ADAM18: variants seen among roughly 807,000 people sequenced by gnomAD.
ADAM18 encodes ADAM metallopeptidase domain 18.
Under a neutral mutation model 94.4 loss-of-function variants are expected in ADAM18, and 117 were observed. That is an observed-to-expected ratio of 1.24 (90% CI 1.07 to 1.45). The LOEUF is 1.45. Among genes scored for constraint, ADAM18 ranks in the 40% most tolerant of loss-of-function variants. The pLI, the probability that ADAM18 is intolerant of heterozygous loss-of-function variation, is 0.00. For missense variants in ADAM18, 936 were observed against 880.0 expected (o/e 1.06, Z -0.81); for synonymous variants, 327 against 291.6 (o/e 1.12, Z -1.24).
chr8:39,617,429 A>G (rs970064746), intron 6 of ADAM18, among the ~76,000 whole-genome samples: 2 of 152,266 alleles, frequency 1.3e-5, no homozygotes, highest in African/African-American at 4.8e-5. Flanking sequence ...TGGAAAGCAG[A>G]TTGGAAATTT....
Position 39,629,891 on chromosome 8 carries a change from G to A in ADAM18, c.588+452G>A, listed in dbSNP as rs117923637. On this transcript the variant is annotated intron_variant, in intron 7 of 19. Transcript: ENST00000265707. ...CTAGCCTAGAATGCCCTACACTATC[G>A]CTTCCTCCACTCCAGCTCAGTCAGT... Among the ~76,000 whole-genome samples, 500 of 151,846 alleles carry A rather than the reference G, an allele frequency of 3.3e-3. 1 individual carries two copies. Among genetic ancestry groups the A allele is most frequent in the Non-Finnish European group, 3.8e-3 (257 of 67,878 alleles).
intron 13 of ADAM18, among the ~76,000 whole-genome samples, chr8:39,664,343 A>T (rs1022566893): frequency 1.3e-5 from 2 of 152,176 alleles, no homozygotes; most frequent in Non-Finnish European, 2.9e-5. Context: ...TAATACAGAG[A>T]TAATAAAAAT....
At chr8:39,603,243 C>T (rs1818962032) in intron 2 of ADAM18, among the ~76,000 whole-genome samples, 1 of 152,106 alleles carries the variant, frequency 6.6e-6, no homozygotes, top group Non-Finnish European at 1.5e-5. Flanking sequence ...TTGCCAATAT[C>T]ATTCTGTCTT....
chr8:39,682,563 A>C (rs1194752031), intron 16 of ADAM18, among the ~76,000 whole-genome samples: 1 of 152,164 alleles, frequency 6.6e-6, no homozygotes, highest in Non-Finnish European at 1.5e-5. Context: ...AAACCCAAAC[A>C]AGGAACTCCC....
chr8:39,726,257 T>TACACACACAC (rs34664356), intron 19 of ADAM18, among the ~76,000 whole-genome samples: 2 of 145,478 alleles, frequency 1.4e-5, no homozygotes, highest in African/African-American at 5.1e-5. Context: ...GTATGAGATC[T>TACACACACAC]ACACACACAC....
intron 16 of ADAM18, among the ~76,000 whole-genome samples, chr8:39,689,808 A>C (rs945682466): frequency 6.6e-6 from 1 of 152,114 alleles, no homozygotes; most frequent in Non-Finnish European, 1.5e-5. Context: ...TTTCAGCTAT[A>C]TTGATTCTTC....
In ADAM18 at chr8:39,675,782, A is replaced by G. The variant is rs138233244; in HGVS notation, c.1526-1649A>G. ...TGGTTTTGTCTACCTTTGGTCTTTG[A>G]TGTTGGTGACCTACAGATGGGATTT... On this transcript the variant is annotated intron_variant, in intron 14 of 19. Transcript: ENST00000265707. 6.0e-3 allele frequency among the ~76,000 whole-genome samples: 913 copies of G among 152,164 alleles called. 5 individuals carry two copies. Among genetic ancestry groups the G allele is most frequent in the African/African-American group, 0.021 (869 of 41,486 alleles).
rs577825306 is a variant in ADAM18 at position 39,648,515 on chromosome 8, T to C, written c.1218T>C (p.Cys406=). Reference sequence around the variant, plus strand: ...TGGAATCCAATGAAGAATGTGACTGTGGTAATAAAAATGTGAGTAACAAAG... The same window carrying C: ...TGGAATCCAATGAAGAATGTGACTGCGGTAATAAAAATGTGAGTAACAAAG... ...GILESNEECD[C]GNKNECQFKK... Residue 406 remains cysteine (C), a synonymous_variant, in exon 12 of 20, where the codon TGT becomes TGC. Coordinates refer to ENST00000265707, the MANE Select transcript of ADAM18 (RefSeq NM_014237.3). 3 of 1,598,058 alleles carry C rather than the reference T, an allele frequency of 1.9e-6. No homozygotes were observed. The South Asian group carries it at 3.4e-5, about 18-fold the overall frequency.
At chr8:39,687,420 A>G (rs1821636847) in intron 16 of ADAM18, among the ~76,000 whole-genome samples, 3 of 152,176 alleles carry the variant, frequency 2.0e-5, no homozygotes, top group South Asian at 2.1e-4. Context: ...ATTTCTTGTC[A>G]TCTCCCTTCC....
At chr8:39,614,427 G>T (rs1247645898) in intron 6 of ADAM18, among the ~76,000 whole-genome samples, 1 of 152,144 alleles carries the variant, frequency 6.6e-6, no homozygotes, top group East Asian at 1.9e-4. Context: ...AATGCAGAGA[G>T]AATTTGTTCC....
chr8:39,710,099 G>A (rs2129581422), intron 18 of ADAM18, among the ~76,000 whole-genome samples: 1 of 152,314 alleles, frequency 6.6e-6, no homozygotes, highest in East Asian at 1.9e-4. Flanking sequence ...ATACAGTTGT[G>A]TAGAGTGAGA....
intron 14 of ADAM18, 135 bp from the exon 15 acceptor site, chr8:39,677,296 C>T: frequency 3.3e-6 from 2 of 612,322 alleles, no homozygotes; most frequent in Non-Finnish European, 2.8e-6. Context: ...CTTGCATTGA[C>T]AGGGTATGCA....
chr8:39,714,555 A>G (rs2129581569), intron 18 of ADAM18, among the ~76,000 whole-genome samples: 1 of 152,284 alleles, frequency 6.6e-6, no homozygotes, highest in South Asian at 2.1e-4. Context: ...AGGTAAATTA[A>G]AAGTAAAAAA....
chr8:39,728,685 T>G (rs1822989367), intron 19 of ADAM18, among the ~76,000 whole-genome samples: 1 of 152,230 alleles, frequency 6.6e-6, no homozygotes, highest in South Asian at 2.1e-4. Context: ...GTTATTTTTT[T>G]ATGTTATTAT....
chr8:39,592,206 T>C (rs1437355846), intron 2 of ADAM18, among the ~76,000 whole-genome samples: 1 of 152,172 alleles, frequency 6.6e-6, no homozygotes, highest in East Asian at 1.9e-4. Flanking sequence ...TCACCAGCTG[T>C]AATAAGCATT....
chr8:39,594,596 T>A (rs1191196473), intron 2 of ADAM18, among the ~76,000 whole-genome samples: 3 of 152,016 alleles, frequency 2.0e-5, no homozygotes, highest in Non-Finnish European at 4.4e-5. Flanking sequence ...TTCATAGAAT[T>A]CTAGATTTAT....
intron 18 of ADAM18, among the ~76,000 whole-genome samples, chr8:39,722,363 T>A (rs1822784802): frequency 6.6e-6 from 1 of 150,436 alleles, no homozygotes; most frequent in East Asian, 1.9e-4. Flanking sequence ...AATAAAACCA[T>A]GTCTTTTGCA....
chr8:39,679,174 A>G (rs1276599658), intron 15 of ADAM18, among the ~76,000 whole-genome samples: 1 of 152,200 alleles, frequency 6.6e-6, no homozygotes, highest in Non-Finnish European at 1.5e-5. Context: ...TATTCTTCTG[A>G]AAAAGCCTCA....
chr8:39,681,335 G>T (rs944500060), intron 16 of ADAM18, among the ~76,000 whole-genome samples: 2 of 152,154 alleles, frequency 1.3e-5, no homozygotes, highest in African/African-American at 4.8e-5. Context: ...ACACAAGCAA[G>T]CTATGAAGAG....
Sources: gnomAD v4.1 joint callset for allele counts (sites outside exome capture counted in the v4.1 genomes callset) on GRCh38, gnomAD v4.1.1 for gene constraint, MANE v1.5 for transcripts, NCBI Gene and HGNC (gene_info 2026-07-23, HGNC 2026-07-21) for gene names.